Variants in TSPEAR observed in about 807,000 individuals in gnomAD.
The protein encoded by TSPEAR is thrombospondin type laminin G domain and EAR repeats.
TSPEAR carries 69 observed loss-of-function variants against 71.6 expected under a neutral mutation model. The observed-to-expected ratio is 0.96, with a 90% CI of 0.79 to 1.18. The LOEUF (loss-of-function observed/expected upper bound fraction) is 1.18, where lower values mean the gene tolerates loss of function less well. Ranked by LOEUF, TSPEAR falls within the 50% of genes most tolerant of loss-of-function variation. The pLI is 0.00. For missense variants in TSPEAR, 971 were observed against 894.9 expected, an observed-to-expected ratio of 1.09 and a Z score of -1.09; for synonymous variants, 402 against 387.2, an observed-to-expected ratio of 1.04 and a Z score of -0.45.
At position 44,531,177 on chromosome 21, in the gene TSPEAR, C is replaced by T. The variant is rs1257975029; in HGVS notation, c.543-44G>A. On this transcript the variant is annotated intron_variant, in intron 3 of 11. Coordinates refer to ENST00000323084, the MANE Select transcript of TSPEAR (RefSeq NM_144991.3). ...TGTGTTAGGGCCATAGGAGAGTGGTCACCCCAGTTTACTCACAGAAGGAAC... is the reference window on the plus strand; with the variant it reads ...TGTGTTAGGGCCATAGGAGAGTGGTTACCCCAGTTTACTCACAGAAGGAAC... 15 of 1,517,068 alleles carry T rather than the reference C, an allele frequency of 9.9e-6. No individual in the cohort carries two copies. The African/African-American group carries it at 1.6e-4, about 17-fold the overall frequency. 94.0% of individuals were successfully genotyped at this position (1,517,068 alleles called of 1,614,324 possible).
At chr21:44,531,003 C>A in intron 4 of TSPEAR, 40 bp downstream of exon 4, 1 of 1,542,054 alleles carries the variant, frequency 6.5e-7, no homozygotes, top group East Asian at 2.2e-5. Flanking sequence ...AGTCCCATCC[C>A]GCAGCACGGG....
chr21:44,616,523 C>A (rs1170212829), intron 1 of TSPEAR, among the ~76,000 whole-genome samples: 1 of 152,194 alleles, frequency 6.6e-6, no homozygotes, highest in African/African-American at 2.4e-5. Flanking sequence ...CTGGCCCTGC[C>A]TCCTCCTCCT....
intron 1 of TSPEAR, 52 bp from the exon 2 acceptor site, chr21:44,568,057 A>G (rs1555922011): frequency 1.4e-6 from 2 of 1,418,630 alleles, no homozygotes; most frequent in Non-Finnish European, 1.9e-6. Context: ...CCAAAAGTGG[A>G]TACCCATAAC....
At chr21:44,580,476 G>A (rs1978880078) in intron 1 of TSPEAR, 4 of 1,613,278 alleles carry the variant, frequency 2.5e-6, no homozygotes, top group Non-Finnish European at 2.5e-6. Context: ...GTCAGGCAGG[G>A]GGCGGTGCCG....
chr21:44,508,660 A>C, intron 10 of TSPEAR: 2 of 1,195,854 alleles, frequency 1.7e-6, no homozygotes, highest in South Asian at 3.0e-5. Flanking sequence ...TCGGTCTGGA[A>C]CCATCACTTT....
chr21:44,664,447 A>G (rs782109739), intron 1 of TSPEAR, among the ~76,000 whole-genome samples: 11 of 152,188 alleles, frequency 7.2e-5, no homozygotes, highest in Non-Finnish European at 1.5e-4. Flanking sequence ...CTAAATAAAT[A>G]GACCATGTTA....
Position 44,682,270 on chromosome 21 carries a change from G to C in TSPEAR, c.82+29163C>G, listed in dbSNP as rs1555948199. 3.2e-6 allele frequency: 3 copies of C among 946,018 alleles called. No homozygotes were observed. The East Asian group carries it at 7.9e-5, about 25-fold the overall frequency. 58.6% of individuals were successfully genotyped at this position (946,018 alleles called of 1,614,324 possible). The stretch of plus-strand genomic sequence containing the variant: ...TTCCTTGTTTTTCTTCCTCAAGGCT[G>C]TTTCCTGGAACTCAGTTTTCTGTCG... On this transcript the variant is annotated intron_variant, in intron 1 of 11. Transcript: ENST00000323084.
chr21:44,646,436 G>A, intron 1 of TSPEAR: 3 of 1,587,430 alleles, frequency 1.9e-6, no homozygotes, highest in Non-Finnish European at 2.6e-6. Context: ...ACCTCCCCCA[G>A]CTCACCTCCT....
chr21:44,636,921 G>C (rs371475319), intron 1 of TSPEAR, among the ~76,000 whole-genome samples: 1 of 138,532 alleles, frequency 7.2e-6, no homozygotes, highest in African/African-American at 3.5e-5. Flanking sequence ...CCCAGAGCCC[G>C]CCAGGAAGCG....
intron 1 of TSPEAR, chr21:44,682,000 G>C: frequency 5.0e-6 from 8 of 1,609,994 alleles, no homozygotes; most frequent in Non-Finnish European, 5.9e-6. Flanking sequence ...CACACGGCTG[G>C]CTTGAAGCTC....
intron 1 of TSPEAR, among the ~76,000 whole-genome samples, chr21:44,587,634 A>G (rs1200805950): frequency 6.6e-6 from 1 of 152,246 alleles, no homozygotes; most frequent in African/African-American, 2.4e-5. Flanking sequence ...AAACTATACT[A>G]TAAGGCCACA....
chr21:44,579,441 A>G, intron 1 of TSPEAR: 1 of 481,342 alleles, frequency 2.1e-6, no homozygotes, highest in Non-Finnish European at 3.7e-6. Flanking sequence ...CAGGAGCACT[A>G]CAGAAAAAGA....
intron 1 of TSPEAR, among the ~76,000 whole-genome samples, chr21:44,640,396 C>T (rs1158085583): frequency 6.6e-6 from 1 of 152,264 alleles, no homozygotes. Flanking sequence ...TGGAGGGGCT[C>T]ATGAGGAGTG....
intron 1 of TSPEAR, among the ~76,000 whole-genome samples, chr21:44,620,830 G>A (rs150774896): frequency 6.6e-6 from 1 of 152,278 alleles, no homozygotes; most frequent in African/African-American, 2.4e-5. Flanking sequence ...TGCCTTCATT[G>A]CATCTCGTTA....
In TSPEAR at chr21:44,627,289, G is replaced by A. The variant is rs199690615; in HGVS notation, c.83-59284C>T. ...CTGCGCCACCAGCTGCTGCGCCCCG[G>A]CCCCCTGCCTGACCCTGGTCTGCAC... On this transcript the variant is annotated intron_variant, in intron 1 of 11. Transcript: ENST00000323084. The A allele has an allele frequency of 1.9e-6, 3 of 1,612,444 alleles. No homozygotes were observed. In the African/African-American group the frequency reaches 4.0e-5, roughly 22 times the overall value.
intron 1 of TSPEAR, among the ~76,000 whole-genome samples, chr21:44,636,050 T>C (rs1983543713): frequency 1.3e-5 from 2 of 151,330 alleles, no homozygotes; most frequent in South Asian, 4.1e-4. Flanking sequence ...CTTATCCTGT[T>C]TTAGTGGTAA....
At chr21:44,523,582 C>A (rs2052782119) in intron 8 of TSPEAR, among the ~76,000 whole-genome samples, 1 of 151,678 alleles carries the variant, frequency 6.6e-6, no homozygotes, top group African/African-American at 2.4e-5. Context: ...GGTCGTCAGT[C>A]AGTCAGTTCA....
chr21:44,526,015 C>T lies in TSPEAR; in HGVS notation c.1150-176G>A, dbSNP rs2052848731. 5.2e-6 allele frequency: 3 copies of T among 581,124 alleles called. No homozygotes were observed. The East Asian group carries it at 8.2e-5, about 16-fold the overall frequency. The allele number at this position is 581,124 out of a possible 1,614,324, so 36.0% of individuals were successfully genotyped here. On this transcript the variant is annotated intron_variant, in intron 7 of 11. Coordinates refer to ENST00000323084, the MANE Select transcript of TSPEAR (RefSeq NM_144991.3). ...TCATCATGGTGGGGTGGGCGCAGAG[C>T]CGGTCATTACATTCATCAAGACCCT... is the stretch of plus-strand genomic sequence containing the variant.
intron 2 of TSPEAR, among the ~76,000 whole-genome samples, chr21:44,538,773 C>G (rs1470555460): frequency 1.3e-5 from 2 of 152,180 alleles, no homozygotes; most frequent in Non-Finnish European, 2.9e-5. Flanking sequence ...TGACCAGGCT[C>G]AGGAAGACCC....
Sources: gnomAD v4.1 joint callset for allele counts (sites outside exome capture counted in the v4.1 genomes callset) on GRCh38, gnomAD v4.1.1 for gene constraint, MANE v1.5 for transcripts, NCBI Gene and HGNC (gene_info 2026-07-23, HGNC 2026-07-21) for gene names.